Variants in SLC4A10 observed in about 807,000 individuals in gnomAD.
SLC4A10 encodes sodium-driven chloride bicarbonate exchanger.
SLC4A10 carries 42 observed loss-of-function variants against 137.7 expected under a neutral mutation model. The observed-to-expected ratio is 0.30, with a 90% confidence interval of 0.24 to 0.39. SLC4A10 has a LOEUF of 0.39. Among genes scored for constraint, SLC4A10 ranks in the 10% least tolerant of loss-of-function variants. The pLI, the probability that SLC4A10 is intolerant of heterozygous loss-of-function variation, is 1.00. For synonymous variants in SLC4A10, 474 were observed against 464.1 expected, an observed-to-expected ratio of 1.02 and a Z score of -0.27; for missense variants, 925 against 1,355.0, an observed-to-expected ratio of 0.68 and a Z score of 4.98.
At chr2:161,687,950 T>G (rs2041611764) in intron 1 of SLC4A10, among the ~76,000 whole-genome samples, 1 of 152,214 alleles carries the variant, frequency 6.6e-6, no homozygotes, top group Admixed American at 6.5e-5. Flanking sequence ...GTCTTGGGTA[T>G]ATCTTCATAG....
rs78466330 is a variant in SLC4A10, at chr2:161,767,623, C to T, written c.49-3350C>T. Among the ~76,000 whole-genome samples, 3 of 151,778 alleles carry T rather than the reference C, an allele frequency of 2.0e-5. No homozygotes were observed. The East Asian group carries it at 5.8e-4, about 30-fold the overall frequency. On this transcript the variant is annotated intron_variant, in intron 1 of 26. Coordinates refer to ENST00000446997, the MANE Select transcript of SLC4A10 (RefSeq NM_001178015.2). Reference sequence around the variant, plus strand: ...AAGCAGAAAATATTGTGATATTTTTCTCTTACAATCCTTTGCCTTGGTCAT... The same window carrying T: ...AAGCAGAAAATATTGTGATATTTTTTTCTTACAATCCTTTGCCTTGGTCAT...
chr2:161,800,500 T>A (rs2055264612), intron 2 of SLC4A10, among the ~76,000 whole-genome samples: 1 of 151,854 alleles, frequency 6.6e-6, no homozygotes, highest in African/African-American at 2.4e-5. Context: ...AACTTTGGGG[T>A]TAGAATGCAT....
At chr2:161,657,154 A>G (rs944525529) in intron 1 of SLC4A10, among the ~76,000 whole-genome samples, 7 of 151,940 alleles carry the variant, frequency 4.6e-5, no homozygotes, top group Non-Finnish European at 8.8e-5. Context: ...TTTGTTTGTT[A>G]TTACTTAATA....
chr2:161,703,497 A>G (rs1310393352), intron 1 of SLC4A10, among the ~76,000 whole-genome samples: 1 of 151,686 alleles, frequency 6.6e-6, no homozygotes, highest in African/African-American at 2.4e-5. Context: ...ATGAAATTTT[A>G]TGGATGATTC....
At chr2:161,911,913 G>A (rs945168249) in intron 15 of SLC4A10, among the ~76,000 whole-genome samples, 1 of 152,006 alleles carries the variant, frequency 6.6e-6, no homozygotes, top group East Asian at 1.9e-4. Context: ...TAAACTTTTA[G>A]CAACTCCTCA....
chr2:161,771,493 G>C (rs1220643417), intron 2 of SLC4A10, among the ~76,000 whole-genome samples: 4 of 151,782 alleles, frequency 2.6e-5, no homozygotes, highest in Non-Finnish European at 5.9e-5. Context: ...GAAGAAGGAT[G>C]CCTAATTCAA....
intron 15 of SLC4A10, among the ~76,000 whole-genome samples, chr2:161,935,859 A>G (rs1482268222): frequency 1.3e-5 from 2 of 152,104 alleles, no homozygotes; most frequent in African/African-American, 4.8e-5. Flanking sequence ...TTCTTGTCTT[A>G]TTCCTGATCT....
intron 26 of SLC4A10, among the ~76,000 whole-genome samples, chr2:161,981,090 T>C (rs2106021192): frequency 6.6e-6 from 1 of 152,394 alleles, no homozygotes; most frequent in Middle Eastern, 3.4e-3. Flanking sequence ...AATAGGTTAT[T>C]GTTTTGTAAC....
intron 1 of SLC4A10, among the ~76,000 whole-genome samples, chr2:161,715,084 A>G (rs2044699240): frequency 6.6e-6 from 1 of 151,982 alleles, no homozygotes; most frequent in Non-Finnish European, 1.5e-5. Flanking sequence ...CCTTAAGTAT[A>G]TATAGTATAC....
chr2:161,982,710 C>T (rs1212728408), intron 26 of SLC4A10, among the ~76,000 whole-genome samples: 1 of 152,140 alleles, frequency 6.6e-6, no homozygotes, highest in Non-Finnish European at 1.5e-5. Flanking sequence ...GGCCAAGGTA[C>T]AGTCTTCATC....
chr2:161,906,200 AT>A (rs1684314178), intron 15 of SLC4A10, among the ~76,000 whole-genome samples: 1 of 152,232 alleles, frequency 6.6e-6, no homozygotes, highest in Non-Finnish European at 1.5e-5. Context: ...AGCGAAATAT[AT>A]GTTATTTGGC....
At chr2:161,701,195 C>T (rs1210709871) in intron 1 of SLC4A10, among the ~76,000 whole-genome samples, 1 of 151,962 alleles carries the variant, frequency 6.6e-6, no homozygotes. Flanking sequence ...TTTTTCTAAG[C>T]ACAGACATAT....
chr2:161,898,801 A>G (rs1228503719), intron 11 of SLC4A10, among the ~76,000 whole-genome samples: 1 of 152,120 alleles, frequency 6.6e-6, no homozygotes, highest in Non-Finnish European at 1.5e-5. Context: ...ATGAAGCTGA[A>G]GCTGAAGGAA....
chr2:161,795,905 T>C (rs2054723464), intron 2 of SLC4A10, among the ~76,000 whole-genome samples: 1 of 152,134 alleles, frequency 6.6e-6, no homozygotes, highest in African/African-American at 2.4e-5. Flanking sequence ...CATTTATTTA[T>C]ATTCTGCCTT....
At chr2:161,719,754 T>C (rs1173195492) in intron 1 of SLC4A10, among the ~76,000 whole-genome samples, 1 of 152,172 alleles carries the variant, frequency 6.6e-6, no homozygotes, top group Non-Finnish European at 1.5e-5. Context: ...GGGTTGTTTT[T>C]TTCTTGTAAA....
intron 1 of SLC4A10, among the ~76,000 whole-genome samples, chr2:161,718,689 T>C (rs1033028549): frequency 2.0e-5 from 3 of 152,182 alleles, no homozygotes; most frequent in Non-Finnish European, 4.4e-5. Flanking sequence ...TTCTTTTGCA[T>C]TTGCTGAAGA....
At chr2:161,889,464 G>A (rs759250313) in intron 10 of SLC4A10, among the ~76,000 whole-genome samples, 4 of 152,100 alleles carry the variant, frequency 2.6e-5, no homozygotes, top group African/African-American at 9.7e-5. Context: ...TTCAGAACTT[G>A]TTGTTGGCCT....
At position 161,942,980 on chromosome 2, in the gene SLC4A10, T is replaced by C. The variant is rs141859159; in HGVS notation, c.2103+83T>C. Reference sequence around the variant, plus strand: ...CAATTATTGCCATTACAGTAAAATTTTTTTGAATGCATAATATAAAACTAA... The same window carrying C: ...CAATTATTGCCATTACAGTAAAATTCTTTTGAATGCATAATATAAAACTAA... On this transcript the variant is annotated intron_variant, in intron 16 of 26. Transcript: ENST00000446997. 369 of 1,020,422 alleles carry C rather than the reference T, an allele frequency of 3.6e-4. No individual in the cohort carries two copies. In the African/African-American group the frequency reaches 4.6e-3, roughly 13 times the overall value. The allele number at this position is 1,020,422 out of a possible 1,614,324, so 63.2% of individuals were successfully genotyped here.
intron 1 of SLC4A10, among the ~76,000 whole-genome samples, chr2:161,766,014 G>A (rs184442764): frequency 6.6e-6 from 1 of 152,178 alleles, no homozygotes; most frequent in Admixed American, 6.5e-5. Flanking sequence ...ACATGTATTA[G>A]TATTAATTTG....
Sources: gnomAD v4.1 joint callset for allele counts (sites outside exome capture counted in the v4.1 genomes callset) on GRCh38, gnomAD v4.1.1 for gene constraint, MANE v1.5 for transcripts, NCBI Gene and HGNC (gene_info 2026-07-23, HGNC 2026-07-21) for gene names.